Variants in ILRUN observed in about 807,000 individuals in gnomAD.
ILRUN encodes the protein inflammation and lipid regulator with UBA-like and NBR1-like domains, also known as protein ILRUN.
ILRUN carries 3 observed loss-of-function variants against 33.8 expected under a neutral mutation model. The observed-to-expected ratio is 0.09, with a 90% CI of 0.04 to 0.23. The LOEUF is 0.23. ILRUN is among the 10% of genes least tolerant of loss of function. ILRUN has a pLI of 1.00. For missense variants in ILRUN, 210 were observed against 375.1 expected (o/e 0.56, Z 3.64); for synonymous variants, 124 against 138.9 (o/e 0.89, Z 0.75).
chr6:34,651,210 C>T (rs1289056453), intron 2 of ILRUN, among the ~76,000 whole-genome samples: 1 of 152,058 alleles, frequency 6.6e-6, no homozygotes, highest in African/African-American at 2.4e-5. Context: ...AAGAGAAAAC[C>T]TATTTATGCA....
At chr6:34,686,290 G>A (rs1380550213) in intron 1 of ILRUN, among the ~76,000 whole-genome samples, 1 of 151,990 alleles carries the variant, frequency 6.6e-6, no homozygotes, top group Non-Finnish European at 1.5e-5. Flanking sequence ...CATGAGGTCA[G>A]GAGATCGAGA....
At chr6:34,594,855 T>G (rs1283422196) in intron 4 of ILRUN, among the ~76,000 whole-genome samples, 1 of 152,198 alleles carries the variant, frequency 6.6e-6, no homozygotes, top group African/African-American at 2.4e-5. Flanking sequence ...AGCAAGCCAT[T>G]ATCTGGCTAA....
chr6:34,632,302 G>A (rs6924259), intron 3 of ILRUN, among the ~76,000 whole-genome samples: 4,691 of 152,044 alleles, frequency 0.031, 196 homozygotes, highest in African/African-American at 0.09. Context: ...TTAGTTAAGC[G>A]TGGTGGCACA....
At chr6:34,637,975 C>A (rs1762400739) in intron 3 of ILRUN, among the ~76,000 whole-genome samples, 3 of 151,948 alleles carry the variant, frequency 2.0e-5, no homozygotes, top group Admixed American at 2.0e-4. Context: ...CAACCTCCGC[C>A]TCCCAGGCTC....
intron 1 of ILRUN, among the ~76,000 whole-genome samples, chr6:34,673,904 T>TACACACACAC (rs370280008): frequency 0.021 from 2,403 of 112,972 alleles, 182 homozygotes; most frequent in African/African-American, 0.042. Context: ...AACAACCACA[T>TACACACACAC]ACACACACAC....
chr6:34,610,160 C>CA (rs201174084), intron 3 of ILRUN, among the ~76,000 whole-genome samples: 3,024 of 118,348 alleles, frequency 0.026, 44 homozygotes, highest in African/African-American at 0.03. Context: ...GACTCCGTCT[C>CA]AAAAAAAAAA....
At chr6:34,661,227 T>C (rs1415410244) in intron 1 of ILRUN, among the ~76,000 whole-genome samples, 2 of 152,248 alleles carry the variant, frequency 1.3e-5, no homozygotes, top group African/African-American at 2.4e-5. Context: ...TACATAGTTA[T>C]GTATGAGAAT....
At chr6:34,598,564 G>A (rs1269430581) in intron 4 of ILRUN, among the ~76,000 whole-genome samples, 1 of 152,170 alleles carries the variant, frequency 6.6e-6, no homozygotes, top group African/African-American at 2.4e-5. Flanking sequence ...AAACATGCTG[G>A]CAATCTTGGG....
intron 1 of ILRUN, among the ~76,000 whole-genome samples, chr6:34,690,439 C>T (rs995102540): frequency 1.3e-5 from 2 of 150,964 alleles, no homozygotes; most frequent in Non-Finnish European, 3.0e-5. Context: ...CCAGCCTGGG[C>T]GACAGAGTGA....
chr6:34,667,033 AAT>A (rs1339754574), intron 1 of ILRUN, among the ~76,000 whole-genome samples: 6 of 152,198 alleles, frequency 3.9e-5, no homozygotes, highest in South Asian at 2.1e-4. Context: ...AAGCCACTCG[AAT>A]ATACATGAAA....
chr6:34,621,698 T>C lies in ILRUN; in HGVS notation c.512-14794A>G, dbSNP rs186572454. 5.3e-5 allele frequency among the ~76,000 whole-genome samples: 8 copies of C among 151,976 alleles called. No homozygotes were observed. The East Asian group carries it at 9.7e-4, about 18-fold the overall frequency. On this transcript the variant is annotated intron_variant, in intron 3 of 4. Transcript: ENST00000374023. ...AACATGGTGAAACCCCCGTCTCTACTAAAAATACAAAAAATTAGCCAGGCA... is the reference window on the plus strand; with the variant it reads ...AACATGGTGAAACCCCCGTCTCTACCAAAAATACAAAAAATTAGCCAGGCA...
At chr6:34,677,918 T>C (rs917373133) in intron 1 of ILRUN, among the ~76,000 whole-genome samples, 4 of 130,312 alleles carry the variant, frequency 3.1e-5, no homozygotes, top group Non-Finnish European at 6.1e-5. Context: ...CACTGCACTC[T>C]AGCGTGAGTG....
intron 3 of ILRUN, among the ~76,000 whole-genome samples, chr6:34,637,240 T>C (rs1335627027): frequency 6.6e-6 from 1 of 152,224 alleles, no homozygotes; most frequent in Non-Finnish European, 1.5e-5. Flanking sequence ...TCCTTACTAA[T>C]GCATATATAC....
chr6:34,638,679 TGGG>T (rs1762413683), intron 3 of ILRUN, among the ~76,000 whole-genome samples: 1 of 151,814 alleles, frequency 6.6e-6, no homozygotes. Flanking sequence ...CATTCCAGCC[TGGG>T]TGACAAAGCA....
chr6:34,683,485 T>TACATATATATATATATACATATATATAC (rs1763440830), intron 1 of ILRUN, among the ~76,000 whole-genome samples: 1 of 110,140 alleles, frequency 9.1e-6, no homozygotes, highest in Non-Finnish European at 1.7e-5. Context: ...CATATATATA[T>TACATATATATATATATACATATATATAC]ACATATATAT....
Position 34,606,546 on chromosome 6 carries a change from G to A in ILRUN, c.861+9C>T, listed in dbSNP as rs950115187. The A allele has an allele frequency of 5.6e-6, 9 of 1,607,538 alleles. No individual in the cohort carries two copies. The highest frequency in any genetic ancestry group is 1.1e-5 in the South Asian group (1 of 90,616). ...CCACCTACCCCTTCTCTTCTCCAAG[G>A]GCACCTACCTTACTGTAAGTCACTA... On this transcript the variant is annotated intron_variant, in intron 4 of 4. Coordinates refer to ENST00000374023, the MANE Select transcript of ILRUN (RefSeq NM_024294.4).
Position 34,631,405 on chromosome 6 carries a change from G to A in ILRUN, c.511+15196C>T, listed in dbSNP as rs1003129691. On this transcript the variant is annotated intron_variant, in intron 3 of 4. Coordinates refer to ENST00000374023, the MANE Select transcript of ILRUN (RefSeq NM_024294.4). ...GGCAGTGGCGCGATCTCGGCTCACC[G>A]CAACCTCCGCCTCCTGGGTTCAAGC... Among the ~76,000 whole-genome samples, 8 of 151,156 alleles carry A rather than the reference G, an allele frequency of 5.3e-5. No individual in the cohort carries two copies. The South Asian group carries it at 6.3e-4, about 12-fold the overall frequency.
In ILRUN at chr6:34,589,455, C is replaced by A. The variant is rs112405508; in HGVS notation, c.*1110G>T. ...CCCCTTTGGGGCTGTATTTTCATAC[C>A]TCTACAGATCAGCCGCCACTAACAG... On this transcript the variant is annotated 3_prime_UTR_variant, in exon 5 of 5. Transcript: ENST00000374023. 1 of 152,234 alleles carries A rather than the reference C, an allele frequency of 6.6e-6. No individual in the cohort carries two copies. Among genetic ancestry groups the A allele is most frequent in the African/African-American group, 2.4e-5 (1 of 41,452 alleles). 9.4% of individuals were successfully genotyped at this position (152,234 alleles called of 1,614,324 possible). A position where few individuals can be genotyped will look rare whatever the true frequency, so the allele number is the denominator to read the frequency against.
chr6:34,620,008 A>G (rs1457350579), intron 3 of ILRUN, among the ~76,000 whole-genome samples: 1 of 151,262 alleles, frequency 6.6e-6, no homozygotes, highest in Non-Finnish European at 1.5e-5. Context: ...AAAAAAGCTA[A>G]GATGCAGATC....
Sources: allele counts gnomAD v4.1 joint callset (sites outside exome capture counted in the v4.1 genomes callset), GRCh38; gene constraint gnomAD v4.1.1; transcripts MANE v1.5; gene names NCBI Gene and HGNC (gene_info 2026-07-23, HGNC 2026-07-21).